The following ATP2C2 variants were observed in gnomAD, a reference collection of about 807,000 sequenced individuals.
ATP2C2 encodes calcium-transporting ATPase type 2C member 2.
Under a neutral mutation model 110.8 loss-of-function variants are expected in ATP2C2, and 171 were observed. The ratio of observed to expected loss-of-function variants is 1.54; its 90% CI spans 1.36 to 1.75. The LOEUF is 1.75. ATP2C2 is among the 40% of genes most tolerant of loss of function. ATP2C2 has a pLI of 0.00. For missense variants in ATP2C2, 1,963 were observed against 1,235.0 expected (o/e 1.59, Z -8.84); for synonymous variants, 804 against 508.4 (o/e 1.58, Z -7.82).
intron 15 of ATP2C2, 56 bp downstream of exon 15, chr16:84,442,655 T>C (rs994578966): frequency 1.3e-6 from 2 of 1,543,974 alleles, no homozygotes; most frequent in Non-Finnish European, 1.8e-6. Context: ...GCTGGATTCA[T>C]TGGTAGAAAG....
chr16:84,408,541 C>G, intron 4 of ATP2C2, 47 bp downstream of exon 4: 1 of 1,462,668 alleles, frequency 6.8e-7, no homozygotes, highest in Non-Finnish European at 9.5e-7. Context: ...AGCCACAGGT[C>G]TGCTGAGTCT....
chr16:84,463,200 A>C (rs1911565273), intron 26 of ATP2C2, among the ~76,000 whole-genome samples: 1 of 16,650 alleles, frequency 6.0e-5, no homozygotes, highest in Admixed American at 7.0e-4. Context: ...AATTCATCCC[A>C]GGGAACATGT....
chr16:84,397,257 C>T (rs547669976), intron 1 of ATP2C2, among the ~76,000 whole-genome samples: 1 of 151,714 alleles, frequency 6.6e-6, no homozygotes, highest in African/African-American at 2.4e-5. Flanking sequence ...GCTGGGACTT[C>T]CAGAACTTGG....
Position 84,425,724 on chromosome 16 carries a change from C to G in ATP2C2, c.920-11C>G, listed in dbSNP as rs377765199. ...CATATGGAGATAAGGATGTTTTTGT[C>G]TCTTCCCCAGGTCTCATCATGCTCA... On this transcript the variant is annotated splice_polypyrimidine_tract_variant and intron_variant, in intron 10 of 26. Coordinates refer to ENST00000262429, the MANE Select transcript of ATP2C2 (RefSeq NM_014861.4). 23 of 1,613,714 alleles carry G rather than the reference C, an allele frequency of 1.4e-5. No homozygotes were observed. The highest frequency in any genetic ancestry group is 1.9e-5 in the Non-Finnish European group (23 of 1,179,776).
At chr16:84,459,072 C>T (rs1051455956) in intron 21 of ATP2C2, 48 bp from the exon 22 acceptor site, 21 of 1,600,378 alleles carry the variant, frequency 1.3e-5, no homozygotes, top group Admixed American at 3.3e-5. Context: ...ACTGGTCCAG[C>T]CCTCACGCAG....
chr16:84,412,508 CTGTGTG>C (rs60429618), intron 6 of ATP2C2, among the ~76,000 whole-genome samples: 13,057 of 146,692 alleles, frequency 0.089, 869 homozygotes, highest in East Asian at 0.32. Flanking sequence ...GTATATGTGT[CTGTGTG>C]TGTCTGTGTG....
chr16:84,377,733 TG>T (rs149428956), intron 1 of ATP2C2, among the ~76,000 whole-genome samples: 2 of 151,970 alleles, frequency 1.3e-5, no homozygotes, highest in South Asian at 2.1e-4. Flanking sequence ...CTGGGAATGG[TG>T]GGGGGGTTGG....
At chr16:84,427,872 T>G (rs969880426) in intron 11 of ATP2C2, among the ~76,000 whole-genome samples, 1 of 152,094 alleles carries the variant, frequency 6.6e-6, no homozygotes, top group African/African-American at 2.4e-5. Context: ...ATTGTGCGGA[T>G]AGGTGCACGA....
rs1911627129 is a variant in ATP2C2, at chr16:84,463,672, A to G, written c.2781A>G (p.Lys927=). The G allele has an allele frequency of 4.3e-6, 7 of 1,614,042 alleles. No individual in the cohort carries two copies. Among genetic ancestry groups the G allele is most frequent in the African/African-American group, 1.3e-5 (1 of 74,926 alleles). ...SSVFILSELL[K]LCEKYCCSPK... The stretch of plus-strand genomic sequence containing the variant: ...TCTTCATTTTGTCAGAGCTCCTCAA[A>G]CTATGTGAAAAATACTGTTGCAGCC... Residue 927 remains lysine (K), a synonymous_variant, in exon 27 of 27, where the codon AAA becomes AAG. Transcript: ENST00000262429.
At chr16:84,463,482 C>T in intron 26 of ATP2C2, 132 bp from the exon 27 acceptor site, 1 of 744,948 alleles carries the variant, frequency 1.3e-6, no homozygotes. Flanking sequence ...ATCTCCCTGC[C>T]TTCAGGGGAA....
rs756780683 is a variant in ATP2C2 at position 84,455,001 on chromosome 16, G to A, written c.2147+17G>A. 2 of 1,608,920 alleles carry A rather than the reference G, an allele frequency of 1.2e-6. No homozygotes were observed. Among genetic ancestry groups the A allele is most frequent in the Admixed American group, 3.4e-5 (2 of 59,586 alleles). ...AGCCATCATGTAAGCTGCCCTTCTGGTTGTTTTTCAGTTGCAAAAATGCCT... is the reference window on the plus strand; with the variant it reads ...AGCCATCATGTAAGCTGCCCTTCTGATTGTTTTTCAGTTGCAAAAATGCCT... On this transcript the variant is annotated intron_variant, in intron 21 of 26. Transcript: ENST00000262429.
At chr16:84,399,468 T>A (rs1905191372) in intron 2 of ATP2C2, among the ~76,000 whole-genome samples, 1 of 152,252 alleles carries the variant, frequency 6.6e-6, no homozygotes, top group African/African-American at 2.4e-5. Context: ...TGTTATTGGC[T>A]TTTTAAAAAC....
chr16:84,438,537 G>A (rs1260870592), intron 11 of ATP2C2, among the ~76,000 whole-genome samples: 1 of 152,170 alleles, frequency 6.6e-6, no homozygotes, highest in African/African-American at 2.4e-5. Flanking sequence ...TGGGTCACAC[G>A]CTCTCCTCGA....
intron 2 of ATP2C2, among the ~76,000 whole-genome samples, chr16:84,399,197 A>G (rs1321718035): frequency 6.6e-6 from 1 of 152,254 alleles, no homozygotes; most frequent in African/African-American, 2.4e-5. Flanking sequence ...ATTTTGGGAA[A>G]GCAAATAAAA....
At chr16:84,380,910 G>C (rs1406173308) in intron 1 of ATP2C2, among the ~76,000 whole-genome samples, 1 of 152,192 alleles carries the variant, frequency 6.6e-6, no homozygotes, top group African/African-American at 2.4e-5. Flanking sequence ...GCTGGGCGTG[G>C]TGGCTCACGC....
chr16:84,461,391 T>C, intron 24 of ATP2C2: 1 of 468,192 alleles, frequency 2.1e-6, no homozygotes, highest in Non-Finnish European at 3.9e-6. Flanking sequence ...GCCTTCCTTG[T>C]AGGAAATGAC....
intron 11 of ATP2C2, among the ~76,000 whole-genome samples, chr16:84,433,729 C>A (rs1021687800): frequency 6.6e-6 from 1 of 152,074 alleles, no homozygotes; most frequent in African/African-American, 2.4e-5. Context: ...ATGGTGCATC[C>A]AATCCCTGTC....
chr16:84,413,271 C>T (rs1159528050), intron 6 of ATP2C2, among the ~76,000 whole-genome samples: 2 of 152,110 alleles, frequency 1.3e-5, no homozygotes, highest in Admixed American at 6.6e-5. Flanking sequence ...ACATGTTGTG[C>T]AACTGAGCCA....
At chr16:84,383,261 G>A (rs1488316436) in intron 1 of ATP2C2, among the ~76,000 whole-genome samples, 1 of 152,208 alleles carries the variant, frequency 6.6e-6, no homozygotes, top group Non-Finnish European at 1.5e-5. Context: ...CAGACAGGTG[G>A]GCTGGCAGGA....
Sources: allele counts gnomAD v4.1 joint callset (sites outside exome capture counted in the v4.1 genomes callset), GRCh38; gene constraint gnomAD v4.1.1; transcripts MANE v1.5; gene names NCBI Gene and HGNC (gene_info 2026-07-23, HGNC 2026-07-21).